Variants in CENPP observed in about 807,000 individuals in gnomAD.
CENPP encodes the protein centromere protein P.
A neutral mutation model predicts 35.6 loss-of-function variants in CENPP; 24 were observed. The ratio of observed to expected loss-of-function variants is 0.67; its 90% CI spans 0.49 to 0.95. The LOEUF is 0.95. Among genes scored for constraint, CENPP ranks in the 40% least tolerant of loss-of-function variants. The pLI is 0.00. For missense variants in CENPP, 332 were observed against 345.3 expected (o/e 0.96, Z 0.31); for synonymous variants, 120 against 125.5 (o/e 0.96, Z 0.29).
chr9:92,353,337 C>T (rs1841511391), intron 4 of CENPP, among the ~76,000 whole-genome samples: 1 of 152,152 alleles, frequency 6.6e-6, no homozygotes, highest in South Asian at 2.1e-4. Context: ...TCAGCAAGCA[C>T]CTCAGGGGGT....
At chr9:92,401,095 C>T (rs368440349) in intron 5 of CENPP, 1 of 1,400,252 alleles carries the variant, frequency 7.1e-7, no homozygotes, top group African/African-American at 1.4e-5. Flanking sequence ...TACTTACCAT[C>T]ATTTTCTTTC....
chr9:92,593,881 A>G lies in CENPP; in HGVS notation c.565-17433A>G, dbSNP rs1213051654. ...GGAACCCGGTAGAGAAGCCAAGAAT[A>G]TAGGTACACTTTGCTACCTTTCTCA... On this transcript the variant is annotated intron_variant, in intron 5 of 7. Transcript: ENST00000375587. The surrounding 1 kb of genome is among the most constrained non-coding windows in gnomAD (Gnocchi z 4.1). 6.6e-6 allele frequency among the ~76,000 whole-genome samples: 1 copy of G among 152,244 alleles called. No individual in the cohort carries two copies. The highest frequency in any genetic ancestry group is 1.5e-5 in the Non-Finnish European group (1 of 68,036).
intron 3 of CENPP, among the ~76,000 whole-genome samples, chr9:92,338,261 G>C (rs1263308175): frequency 6.6e-6 from 1 of 152,098 alleles, no homozygotes; most frequent in Admixed American, 6.5e-5. Flanking sequence ...ACCGTGAGCT[G>C]TGATTGTGCC....
chr9:92,574,658 A>G (rs1293243738), intron 5 of CENPP, among the ~76,000 whole-genome samples: 1 of 152,226 alleles, frequency 6.6e-6, no homozygotes, highest in Admixed American at 6.5e-5. Flanking sequence ...AAAGCAATCT[A>G]CAGATTCAAT....
intron 3 of CENPP, among the ~76,000 whole-genome samples, chr9:92,343,622 T>C (rs1841187892): frequency 6.6e-6 from 1 of 152,106 alleles, no homozygotes; most frequent in Non-Finnish European, 1.5e-5. Context: ...TGAAATCCAA[T>C]ACAGGGTGCT....
intron 5 of CENPP, among the ~76,000 whole-genome samples, chr9:92,439,320 T>C (rs562938967): frequency 1.3e-3 from 194 of 152,154 alleles, no homozygotes; most frequent in Non-Finnish European, 2.2e-3. Flanking sequence ...TGGTGAAAAT[T>C]AGGTAATTTT....
intron 5 of CENPP, among the ~76,000 whole-genome samples, chr9:92,505,239 A>T (rs1001620762): frequency 6.6e-6 from 1 of 152,146 alleles, no homozygotes; most frequent in African/African-American, 2.4e-5. Context: ...GAGTCAGAGT[A>T]CCTCATGGAA....
intron 5 of CENPP, among the ~76,000 whole-genome samples, chr9:92,512,480 T>C (rs1289592057): frequency 6.6e-6 from 1 of 152,218 alleles, no homozygotes; most frequent in African/African-American, 2.4e-5. Context: ...AACTGATTTT[T>C]ATTCTTCATA....
At chr9:92,485,055 C>T (rs763507499) in intron 5 of CENPP, among the ~76,000 whole-genome samples, 5 of 152,202 alleles carry the variant, frequency 3.3e-5, no homozygotes, top group Non-Finnish European at 7.3e-5. Flanking sequence ...CAACCCTCCA[C>T]CATCTTGGGG....
intron 5 of CENPP, among the ~76,000 whole-genome samples, chr9:92,412,379 A>G (rs1843469336): frequency 1.3e-5 from 2 of 152,148 alleles, no homozygotes; most frequent in African/African-American, 4.8e-5. Flanking sequence ...GAGCCACTGC[A>G]CCCAGCCTAA....
chr9:92,548,286 A>G (rs72754452), intron 5 of CENPP, among the ~76,000 whole-genome samples: 6,065 of 152,278 alleles, frequency 0.04, 186 homozygotes, highest in South Asian at 0.098. Context: ...ATGGAGCTCT[A>G]CTTCAAAGAA....
rs766001659 is a variant in CENPP at position 92,379,871 on chromosome 9, A to T, written c.564+12A>T. ...TTAAACATCTCAAGGTAAAGTCTGA[A>T]GTCTTTGAATTTAAACATATATGGA... On this transcript the variant is annotated intron_variant, in intron 5 of 7. Coordinates refer to ENST00000375587, the MANE Select transcript of CENPP (RefSeq NM_001012267.3). 2 of 1,534,704 alleles carry T rather than the reference A, an allele frequency of 1.3e-6. No homozygotes were observed. Among genetic ancestry groups the T allele is most frequent in the Non-Finnish European group, 1.8e-6 (2 of 1,108,884 alleles).
chr9:92,505,159 G>A (rs567638688), intron 5 of CENPP, among the ~76,000 whole-genome samples: 8 of 152,136 alleles, frequency 5.3e-5, no homozygotes, highest in Non-Finnish European at 7.4e-5. Flanking sequence ...ACTCTGTTAC[G>A]GTTAATACCT....
At chr9:92,369,360 C>G (rs1841958704) in intron 4 of CENPP, among the ~76,000 whole-genome samples, 1 of 152,056 alleles carries the variant, frequency 6.6e-6, no homozygotes, top group African/African-American at 2.4e-5. Flanking sequence ...AGGACCTGTC[C>G]CTAGTTAACT....
intron 5 of CENPP, chr9:92,389,868 C>T (rs1196314099): frequency 6.2e-7 from 1 of 1,608,786 alleles, no homozygotes; most frequent in Non-Finnish European, 8.5e-7. Flanking sequence ...AATGCATTTG[C>T]TTTGATTCCC....
In CENPP at chr9:92,326,085, G is replaced by T; in HGVS notation, c.87G>T (p.Trp29Cys). The T allele has an allele frequency of 6.4e-7, 1 of 1,556,896 alleles. No homozygotes were observed. The highest frequency in any genetic ancestry group is 8.7e-7 in the Non-Finnish European group (1 of 1,150,556). The change falls in exon 1 of 8, where the codon TGG becomes TGT. Residue 29 changes from tryptophan (W) to cysteine (C), a missense_variant. Trp to Cys is a radical substitution (Grantham distance 215, BLOSUM62 -2). Coordinates refer to ENST00000375587, the MANE Select transcript of CENPP (RefSeq NM_001012267.3). ...RRACEDPPAP[W>C]EEKSRVQKSF... ...CGTGTGAGGACCCACCGGCGCCCTGGGAAGAGAAGTCCCGAGTCCAGTACG... is the reference window on the plus strand; with the variant it reads ...CGTGTGAGGACCCACCGGCGCCCTGTGAAGAGAAGTCCCGAGTCCAGTACG...
chr9:92,403,266 C>T (rs1211193892), intron 5 of CENPP: 3 of 1,599,784 alleles, frequency 1.9e-6, no homozygotes, highest in Admixed American at 1.7e-5. Context: ...TATTTATCCT[C>T]ATAATCTTGG....
intron 5 of CENPP, among the ~76,000 whole-genome samples, chr9:92,478,176 G>A (rs141119348): frequency 5.7e-4 from 87 of 151,698 alleles, no homozygotes; most frequent in African/African-American, 2.1e-3. Context: ...ATGTCAGTCC[G>A]CCAACAGAAT....
intron 5 of CENPP, among the ~76,000 whole-genome samples, chr9:92,490,267 T>C (rs1227241959): frequency 6.6e-6 from 1 of 152,222 alleles, no homozygotes; most frequent in Non-Finnish European, 1.5e-5. Flanking sequence ...CTGATTCTAG[T>C]TGAGAGCCAA....
Sources: allele counts gnomAD v4.1 joint callset (sites outside exome capture counted in the v4.1 genomes callset), GRCh38; gene constraint gnomAD v4.1.1; non-coding constraint Gnocchi (gnomAD v3.1); transcripts MANE v1.5; gene names NCBI Gene and HGNC (gene_info 2026-07-23, HGNC 2026-07-21).